The following FAT3 variants were observed in gnomAD, a reference collection of about 807,000 sequenced individuals.
FAT3 encodes the protein protocadherin Fat 3.
In FAT3, 95 loss-of-function variants were observed where a neutral mutation model predicts 310.2. The ratio of observed to expected loss-of-function variants is 0.31; its 90% CI spans 0.26 to 0.36. The LOEUF is 0.36. Ranked by LOEUF, FAT3 falls within the 10% of genes least tolerant of loss-of-function variation. FAT3 has a pLI of 1.00. For synonymous variants in FAT3, 2,314 were observed against 2,192.9 expected (o/e 1.06, Z -1.54); for missense variants, 5,408 against 5,715.6 (o/e 0.95, Z 1.74).
Position 92,352,238 on chromosome 11 carries a change from C to T in FAT3, c.126C>T (p.His42=). Reference sequence around the variant, plus strand: ...CAGGGACTGGACCCCTGGGCTTCCACTTCACACATTCCATTTATAATGCTA... The same window carrying T: ...CAGGGACTGGACCCCTGGGCTTCCATTTCACACATTCCATTTATAATGCTA... ...GLPGTGPLGF[H]FTHSIYNATV... The change falls in exon 2 of 28, where the codon CAC becomes CAT. Residue 42 remains histidine (H), a synonymous_variant. Coordinates refer to ENST00000525166, the MANE Select transcript of FAT3 (RefSeq NM_001367949.2). 7.2e-7 allele frequency: 1 copy of T among 1,395,582 alleles called. No homozygotes were observed. 86.4% of individuals were successfully genotyped at this position (1,395,582 alleles called of 1,614,324 possible). A position where few individuals can be genotyped will look rare whatever the true frequency, so the allele number is the denominator to read the frequency against.
intron 4 of FAT3, among the ~76,000 whole-genome samples, chr11:92,751,802 G>C (rs1389265059): frequency 3.9e-5 from 6 of 152,132 alleles, no homozygotes; most frequent in Non-Finnish European, 7.3e-5. Flanking sequence ...GCAGGGTAGG[G>C]AAAAGAGCAC....
chr11:92,638,225 C>G (rs1941837970), intron 3 of FAT3, among the ~76,000 whole-genome samples: 1 of 152,178 alleles, frequency 6.6e-6, no homozygotes, highest in Admixed American at 6.5e-5. Context: ...ATGTGGAGAG[C>G]AGACAGGCAT....
At position 92,799,999 on chromosome 11, in the gene FAT3, A is replaced by G. The variant is rs751744236; in HGVS notation, c.6986A>G (p.Asp2329Gly). Residue 2329 changes from aspartate to glycine, a missense_variant, in exon 10 of 28, where the codon GAT (aspartate) becomes GGT (glycine). By Grantham distance (94) the Asp-to-Gly change is moderately conservative (BLOSUM62 -1). Around this residue, in one of 5 missense-constraint regions of FAT3, gnomAD observed 4,588 missense variants for 4,809.8 expected, o/e 0.95. Coordinates refer to ENST00000525166, the MANE Select transcript of FAT3 (RefSeq NM_001367949.2). Reference sequence around the variant, plus strand: ...ATGGTACATTATCAGATTGTCCAGGATACCTACAATAGCACAGATTATTTT... The same window carrying G: ...ATGGTACATTATCAGATTGTCCAGGGTACCTACAATAGCACAGATTATTTT... ...NKMVHYQIVQ[D>G]TYNSTDYFHI... The G allele has an allele frequency of 3.1e-6, 5 of 1,613,904 alleles. No individual in the cohort carries two copies. The highest frequency in any genetic ancestry group is 4.2e-6 in the Non-Finnish European group (5 of 1,179,858).
At chr11:92,395,084 A>C (rs1366666219) in intron 2 of FAT3, among the ~76,000 whole-genome samples, 1 of 152,200 alleles carries the variant, frequency 6.6e-6, no homozygotes, top group Non-Finnish European at 1.5e-5. Flanking sequence ...AGTAGTATAA[A>C]ATAACCATTT....
At chr11:92,819,768 A>G (rs1461300733) in intron 13 of FAT3, among the ~76,000 whole-genome samples, 1 of 152,232 alleles carries the variant, frequency 6.6e-6, no homozygotes, top group East Asian at 1.9e-4. Flanking sequence ...AGGCAGGTAC[A>G]ACAACCATAA....
At chr11:92,310,919 T>G (rs1331653667) in intron 1 of FAT3, among the ~76,000 whole-genome samples, 1 of 151,886 alleles carries the variant, frequency 6.6e-6, no homozygotes. Flanking sequence ...TACAACCAGA[T>G]TTTTTTCCAT....
chr11:92,655,537 G>A (rs1323653812), intron 3 of FAT3, among the ~76,000 whole-genome samples: 1 of 152,096 alleles, frequency 6.6e-6, no homozygotes, highest in Non-Finnish European at 1.5e-5. Flanking sequence ...AATAATCATT[G>A]TTCATTGTGA....
chr11:92,349,419 T>TGTACACTACAGAA (rs1948502467), intron 1 of FAT3, among the ~76,000 whole-genome samples: 1 of 152,242 alleles, frequency 6.6e-6, no homozygotes. Context: ...AGTGTACTTC[T>TGTACACTACAGAA]GTGATCACTA....
chr11:92,381,653 T>C lies in FAT3; in HGVS notation c.3292+26249T>C, dbSNP rs534617533. Reference sequence around the variant, plus strand: ...CTGACTTTTAAGAAATAAATAGATATATTTTTGTTTAAGCAGGTATATAGG... The same window carrying C: ...CTGACTTTTAAGAAATAAATAGATACATTTTTGTTTAAGCAGGTATATAGG... On this transcript the variant is annotated intron_variant, in intron 2 of 27. Transcript: ENST00000525166. Among the ~76,000 whole-genome samples, 18 of 152,344 alleles carry C rather than the reference T, an allele frequency of 1.2e-4. No individual in the cohort carries two copies. In the East Asian group the frequency reaches 2.7e-3, roughly 23 times the overall value.
intron 1 of FAT3, among the ~76,000 whole-genome samples, chr11:92,264,544 C>T (rs774730230): frequency 6.6e-6 from 1 of 152,170 alleles, no homozygotes; most frequent in Non-Finnish European, 1.5e-5. Context: ...ACCGCTATTG[C>T]ATACCATGCA....
At chr11:92,817,976 A>T (rs1305223877) in intron 13 of FAT3, among the ~76,000 whole-genome samples, 1 of 152,194 alleles carries the variant, frequency 6.6e-6, no homozygotes, top group Non-Finnish European at 1.5e-5. Flanking sequence ...GTGGAAAAGC[A>T]TCTCACATGC....
At chr11:92,438,084 A>G (rs938043350) in intron 2 of FAT3, among the ~76,000 whole-genome samples, 2 of 152,228 alleles carry the variant, frequency 1.3e-5, no homozygotes, top group East Asian at 3.8e-4. Context: ...GTGATTTTAG[A>G]AAACTTTGCA....
intron 1 of FAT3, among the ~76,000 whole-genome samples, chr11:92,254,159 C>G (rs1323304510): frequency 2.6e-5 from 4 of 152,096 alleles, no homozygotes; most frequent in Non-Finnish European, 5.9e-5. Context: ...TACTGTGCTC[C>G]CTAGAAGACA....
At chr11:92,857,110 C>T (rs1213000084) in intron 19 of FAT3, 104 bp from the exon 20 acceptor site, 2 of 1,544,440 alleles carry the variant, frequency 1.3e-6, no homozygotes. Flanking sequence ...CATATCCCAG[C>T]TCTTGAGCCA....
At position 92,895,933 on chromosome 11, in the gene FAT3, C is replaced by CACAT. The variant is rs1950022133; in HGVS notation, c.*4823_*4824insTACA. ...TTTGAGGTAACTACACACACACACA[C>CACAT]ACACACAAGGATTTTAGATTTGAAA... On this transcript the variant is annotated 3_prime_UTR_variant, in exon 28 of 28. Transcript: ENST00000525166. 1 of 151,844 alleles carries CACAT rather than the reference C, an allele frequency of 6.6e-6. No homozygotes were observed. The highest frequency in any genetic ancestry group is 2.4e-5 in the African/African-American group (1 of 41,272). The allele number at this position is 151,844 out of a possible 1,614,324, so 9.4% of individuals were successfully genotyped here.
chr11:92,443,003 A>G (rs1951113272), intron 2 of FAT3, among the ~76,000 whole-genome samples: 1 of 152,166 alleles, frequency 6.6e-6, no homozygotes. Flanking sequence ...AGCAAACACA[A>G]GGGGTGGTTA....
At chr11:92,831,039 C>G (rs1355995293) in intron 13 of FAT3, among the ~76,000 whole-genome samples, 2 of 152,120 alleles carry the variant, frequency 1.3e-5, no homozygotes, top group South Asian at 2.1e-4. Context: ...CTCTGGCTGC[C>G]CTTCCATCTG....
chr11:92,879,957 GT>G (rs928353783), intron 22 of FAT3, among the ~76,000 whole-genome samples: 1 of 151,640 alleles, frequency 6.6e-6, no homozygotes, highest in Non-Finnish European at 1.5e-5. Flanking sequence ...AAATCTTACG[GT>G]TTTTTTTAAA....
At chr11:92,385,417 G>A (rs1591206559) in intron 2 of FAT3, among the ~76,000 whole-genome samples, 1 of 152,010 alleles carries the variant, frequency 6.6e-6, no homozygotes, top group African/African-American at 2.4e-5. Context: ...GCCCAGGCTG[G>A]GGTGCAGTGT....
Sources: allele counts gnomAD v4.1 joint callset (sites outside exome capture counted in the v4.1 genomes callset), GRCh38; gene constraint gnomAD v4.1.1; regional missense constraint gnomAD v4.1.1; transcripts MANE v1.5; gene names NCBI Gene and HGNC (gene_info 2026-07-23, HGNC 2026-07-21).